Variants in SLC9A9 observed in about 807,000 individuals in gnomAD.
SLC9A9 encodes the protein solute carrier family 9 member A9.
In SLC9A9, 62 loss-of-function variants were observed where a neutral mutation model predicts 77.8. The observed-to-expected ratio is 0.80, with a 90% CI of 0.65 to 0.98. The LOEUF (loss-of-function observed/expected upper bound fraction) is 0.98, where lower values mean the gene tolerates loss of function less well. Among genes scored for constraint, SLC9A9 ranks in the 50% least tolerant of loss-of-function variants. SLC9A9 has a pLI of 0.00. For synonymous variants in SLC9A9, 320 were observed against 283.5 expected (o/e 1.13, Z -1.29); for missense variants, 775 against 774.9 (o/e 1.00, Z 0.00).
At chr3:143,708,231 C>G (rs1339872308) in intron 4 of SLC9A9, among the ~76,000 whole-genome samples, 1 of 152,108 alleles carries the variant, frequency 6.6e-6, no homozygotes, top group Non-Finnish European at 1.5e-5. Flanking sequence ...TGGGAGCATA[C>G]CAGCCCATTC....
At chr3:143,572,659 G>C (rs2289451) in intron 8 of SLC9A9, among the ~76,000 whole-genome samples, 17,086 of 152,228 alleles carry the variant, frequency 0.11, 1,180 homozygotes, top group East Asian at 0.16. Context: ...AGATACAAAG[G>C]CCTGGTAGGG....
At chr3:143,434,216 A>G (rs1292639171) in intron 12 of SLC9A9, among the ~76,000 whole-genome samples, 1 of 152,190 alleles carries the variant, frequency 6.6e-6, no homozygotes, top group Non-Finnish European at 1.5e-5. Flanking sequence ...CAGACATGTG[A>G]ATACAGTTCT....
chr3:143,412,201 G>T (rs531642695), intron 12 of SLC9A9, among the ~76,000 whole-genome samples: 1 of 152,094 alleles, frequency 6.6e-6, no homozygotes, highest in Admixed American at 6.5e-5. Flanking sequence ...GCCAGGTGTT[G>T]CAAGATGCAA....
In SLC9A9 at chr3:143,766,573, G is replaced by GT. The variant is rs201308343; in HGVS notation, c.533+28427dup. Among the ~76,000 whole-genome samples, 667 of 151,372 alleles carry GT rather than the reference G, an allele frequency of 4.4e-3. 5 individuals carry two copies. Among genetic ancestry groups the GT allele is most frequent in the African/African-American group, 0.012 (500 of 40,902 alleles). On this transcript the variant is annotated intron_variant, in intron 4 of 15. Coordinates refer to ENST00000316549, the MANE Select transcript of SLC9A9 (RefSeq NM_173653.4). The stretch of plus-strand genomic sequence containing the variant: ...TGTAGGTGGAGGGTAGGCTGGAAAA[G>GT]TTTTTTTTGTTTTTGAGACACAGTC...
chr3:143,801,786 C>T (rs947289492), intron 2 of SLC9A9, among the ~76,000 whole-genome samples: 2 of 152,174 alleles, frequency 1.3e-5, no homozygotes, highest in African/African-American at 2.4e-5. Flanking sequence ...TGCCTTAACT[C>T]GGGCCCTCAC....
At chr3:143,637,983 T>G (rs2108734595) in intron 6 of SLC9A9, among the ~76,000 whole-genome samples, 1 of 152,300 alleles carries the variant, frequency 6.6e-6, no homozygotes, top group African/African-American at 2.4e-5. Flanking sequence ...TTTTCCTAAC[T>G]TTTTCTTATA....
Position 143,467,135 on chromosome 3 carries a change from G to C in SLC9A9, c.1371C>G (p.Pro457=). The C allele has an allele frequency of 6.2e-7, 1 of 1,614,172 alleles. No homozygotes were observed. Among genetic ancestry groups the C allele is most frequent in the Non-Finnish European group, 8.5e-7 (1 of 1,180,018 alleles). ...ALAIRNTESQ[P]KQMMFTTTLL... ...GCGTAGTGGTAAACATCATTTGTTT[G>C]GGCTGAGATTCTGTGTTCCGAATAG... Residue 457 remains proline (P), a synonymous_variant, in exon 12 of 16, where the codon CCC becomes CCG. Coordinates refer to ENST00000316549, the MANE Select transcript of SLC9A9 (RefSeq NM_173653.4).
intron 4 of SLC9A9, among the ~76,000 whole-genome samples, chr3:143,754,683 G>A (rs2006865239): frequency 6.6e-6 from 1 of 152,208 alleles, no homozygotes; most frequent in Non-Finnish European, 1.5e-5. Flanking sequence ...CAAGGGGAAA[G>A]CAGAGGGGTG....
At chr3:143,703,735 A>T (rs369509828) in intron 4 of SLC9A9, among the ~76,000 whole-genome samples, 3 of 152,292 alleles carry the variant, frequency 2.0e-5, no homozygotes, top group African/African-American at 7.2e-5. Context: ...AAATAAATGA[A>T]TTTGAAGACA....
intron 9 of SLC9A9, among the ~76,000 whole-genome samples, chr3:143,539,613 T>C (rs2036651236): frequency 6.6e-6 from 1 of 152,118 alleles, no homozygotes; most frequent in African/African-American, 2.4e-5. Context: ...CTTACACCTA[T>C]CAAACAGGAT....
At position 143,831,897 on chromosome 3, in the gene SLC9A9, A is replaced by T. The variant is rs2009444486; in HGVS notation, c.378+122T>A. On this transcript the variant is annotated intron_variant, in intron 2 of 15. Transcript: ENST00000316549. ...CTTAGTCAATTAACGTCTCCAAAAG[A>T]GTGGTGTTAAAATAGGCATATATGT... 3.5e-6 allele frequency: 3 copies of T among 850,056 alleles called. No homozygotes were observed. In the Admixed American group the frequency reaches 6.9e-5, roughly 20 times the overall value. 52.7% of individuals were successfully genotyped at this position (850,056 alleles called of 1,614,324 possible).
chr3:143,521,784 T>C (rs1417929066), intron 9 of SLC9A9, among the ~76,000 whole-genome samples: 1 of 152,168 alleles, frequency 6.6e-6, no homozygotes, highest in Non-Finnish European at 1.5e-5. Flanking sequence ...GAATAATTCA[T>C]TTCTTATGTT....
chr3:143,320,970 G>T (rs2031398818), intron 14 of SLC9A9, among the ~76,000 whole-genome samples: 1 of 152,132 alleles, frequency 6.6e-6, no homozygotes. Context: ...GGATTGGAGT[G>T]GTGCATCCAT....
At position 143,266,196 on chromosome 3, in the gene SLC9A9, C is replaced by T. The variant is rs1937707533; in HGVS notation, c.*506G>A. The T allele has an allele frequency of 1.5e-6, 1 of 671,458 alleles. No homozygotes were observed. The allele number at this position is 671,458 out of a possible 1,614,324, so 41.6% of individuals were successfully genotyped here. ...ACTTCTCTGGGCTCTGCCCTGGGGT[C>T]ACTGAGAGCAAATGGGAGTCAAGTC... On this transcript the variant is annotated 3_prime_UTR_variant, in exon 16 of 16. Transcript: ENST00000316549.
At chr3:143,507,086 T>C (rs2036033198) in intron 9 of SLC9A9, among the ~76,000 whole-genome samples, 1 of 148,624 alleles carries the variant, frequency 6.7e-6, no homozygotes, top group Non-Finnish European at 1.5e-5. Context: ...TATCTTAAGA[T>C]TTTGTTTTTT....
Position 143,735,887 on chromosome 3 carries a change from T to C in SLC9A9, c.534-42580A>G, listed in dbSNP as rs562484026. On this transcript the variant is annotated intron_variant, in intron 4 of 15. Coordinates refer to ENST00000316549, the MANE Select transcript of SLC9A9 (RefSeq NM_173653.4). ...CTACTTAGCCTCTCTAAGCGTTAAT[T>C]TTTTTCAATGGTAATTGTAACTGGG... Among the ~76,000 whole-genome samples, 3 of 152,354 alleles carry C rather than the reference T, an allele frequency of 2.0e-5. No homozygotes were observed. The East Asian group carries it at 5.8e-4, about 29-fold the overall frequency.
chr3:143,669,882 T>C (rs1163942737), intron 5 of SLC9A9, among the ~76,000 whole-genome samples: 1 of 152,204 alleles, frequency 6.6e-6, no homozygotes, highest in Non-Finnish European at 1.5e-5. Context: ...GTTTGGCATA[T>C]TGTAAGTGCT....
At chr3:143,305,734 A>G (rs1309230126) in intron 14 of SLC9A9, among the ~76,000 whole-genome samples, 3 of 152,220 alleles carry the variant, frequency 2.0e-5, no homozygotes, top group African/African-American at 4.8e-5. Flanking sequence ...GCCCCTCACC[A>G]AAACTAACTG....
chr3:143,437,925 T>C (rs754873319), intron 12 of SLC9A9, among the ~76,000 whole-genome samples: 1 of 152,218 alleles, frequency 6.6e-6, no homozygotes. Context: ...GGCTCTCTCA[T>C]ATGGTCACTA....
Sources: allele counts gnomAD v4.1 joint callset (sites outside exome capture counted in the v4.1 genomes callset), GRCh38; gene constraint gnomAD v4.1.1; transcripts MANE v1.5; gene names NCBI Gene and HGNC (gene_info 2026-07-23, HGNC 2026-07-21).